The following MAPK10 variants were observed in gnomAD, a reference collection of about 807,000 sequenced individuals.
MAPK10 encodes JNK3 alpha protein kinase.
In MAPK10, 25 loss-of-function variants were observed where a neutral mutation model predicts 59.3. That is an observed-to-expected ratio of 0.42 (90% CI 0.31 to 0.59). The LOEUF is 0.59. Ranked by LOEUF, MAPK10 falls within the 20% of genes least tolerant of loss-of-function variation. The probability of loss-of-function intolerance (pLI) is 0.15; values close to 1 mark genes in which losing one functional copy is unlikely to be tolerated. For missense variants in MAPK10, 351 were observed against 568.9 expected, an observed-to-expected ratio of 0.62 and a Z score of 3.90; for synonymous variants, 190 against 200.5, an observed-to-expected ratio of 0.95 and a Z score of 0.44.
chr4:86,273,782 A>G (rs1166885046), intron 2 of MAPK10, among the ~76,000 whole-genome samples: 1 of 151,984 alleles, frequency 6.6e-6, no homozygotes, highest in East Asian at 1.9e-4. Context: ...GTGAGTTGCA[A>G]TTTATGTTCA....
intron 2 of MAPK10, among the ~76,000 whole-genome samples, chr4:86,334,212 T>C (rs1446968100): frequency 6.6e-6 from 1 of 152,168 alleles, no homozygotes; most frequent in Non-Finnish European, 1.5e-5. Flanking sequence ...AAAGCAAGAA[T>C]CATGCCTGAC....
chr4:86,315,923 T>C (rs2095776573), intron 2 of MAPK10, among the ~76,000 whole-genome samples: 1 of 152,190 alleles, frequency 6.6e-6, no homozygotes, highest in Non-Finnish European at 1.5e-5. Flanking sequence ...AAATAAAGTA[T>C]TACTTTCTTC....
chr4:86,275,754 T>C (rs2094557789), intron 2 of MAPK10, among the ~76,000 whole-genome samples: 1 of 152,084 alleles, frequency 6.6e-6, no homozygotes, highest in Non-Finnish European at 1.5e-5. Flanking sequence ...TGTAAAAATA[T>C]ATCCATTTTG....
chr4:86,324,265 G>T (rs1367545362), intron 2 of MAPK10, among the ~76,000 whole-genome samples: 1 of 152,008 alleles, frequency 6.6e-6, no homozygotes, highest in Non-Finnish European at 1.5e-5. Flanking sequence ...TACAAAATTA[G>T]CCAGGCATGG....
intron 4 of MAPK10, among the ~76,000 whole-genome samples, chr4:86,128,776 T>G (rs1356002258): frequency 6.6e-6 from 1 of 152,100 alleles, no homozygotes; most frequent in Non-Finnish European, 1.5e-5. Flanking sequence ...CAACACATAT[T>G]GGAAAAATTA....
At chr4:86,048,904 C>A (rs2043004328) in intron 11 of MAPK10, among the ~76,000 whole-genome samples, 1 of 151,908 alleles carries the variant, frequency 6.6e-6, no homozygotes, top group Non-Finnish European at 1.5e-5. Context: ...TACCACTAAT[C>A]TCTGTGAAAA....
chr4:86,435,994 AG>A (rs918731349), intron 1 of MAPK10, among the ~76,000 whole-genome samples: 17 of 152,334 alleles, frequency 1.1e-4, no homozygotes, highest in African/African-American at 3.4e-4. Flanking sequence ...GCCCAAAAAA[AG>A]GTAATCATAT....
chr4:86,320,231 T>C (rs970557902), intron 2 of MAPK10, among the ~76,000 whole-genome samples: 1 of 152,252 alleles, frequency 6.6e-6, no homozygotes, highest in African/African-American at 2.4e-5. Flanking sequence ...ACATGGTCTT[T>C]AATTTGAAAA....
intron 2 of MAPK10, among the ~76,000 whole-genome samples, chr4:86,338,661 C>G (rs1723053010): frequency 6.6e-6 from 1 of 152,136 alleles, no homozygotes; most frequent in African/African-American, 2.4e-5. Flanking sequence ...ACGGCTTGCT[C>G]TTCCCAGTCC....
rs563615331 is a variant in MAPK10 at position 86,241,697 on chromosome 4, C to T, written c.-6-47290G>A. ...TCCATCTGGTTGTTTATGTTCCCCTCTAAACTGGTTATTCTAATTAGCAAT... is the reference window on the plus strand; with the variant it reads ...TCCATCTGGTTGTTTATGTTCCCCTTTAAACTGGTTATTCTAATTAGCAAT... On this transcript the variant is annotated intron_variant, in intron 2 of 13. Coordinates refer to ENST00000641462, the MANE Select transcript of MAPK10 (RefSeq NM_138982.4). 2.0e-5 allele frequency among the ~76,000 whole-genome samples: 3 copies of T among 152,264 alleles called. No homozygotes were observed. The South Asian group carries it at 6.2e-4, about 32-fold the overall frequency.
At chr4:86,411,113 T>C (rs543415152) in intron 1 of MAPK10, among the ~76,000 whole-genome samples, 4 of 152,332 alleles carry the variant, frequency 2.6e-5, no homozygotes, top group African/African-American at 7.2e-5. Flanking sequence ...TTTGTTCTTA[T>C]TGGTTTCAAA....
intron 1 of MAPK10, among the ~76,000 whole-genome samples, chr4:86,559,280 T>C (rs1452656687): frequency 3.3e-5 from 5 of 150,726 alleles, no homozygotes; most frequent in Admixed American, 6.6e-5. Context: ...AGGCTATCTT[T>C]CCAAAAAAAA....
At chr4:86,098,380 T>C in intron 9 of MAPK10, 144 bp downstream of exon 9, 1 of 1,252,072 alleles carries the variant, frequency 8.0e-7, no homozygotes, top group Non-Finnish European at 1.1e-6. Context: ...CTGGTCAGAT[T>C]ATAGAAATTA....
At chr4:86,542,192 A>G (rs1285273859) in intron 1 of MAPK10, among the ~76,000 whole-genome samples, 1 of 152,140 alleles carries the variant, frequency 6.6e-6, no homozygotes, top group African/African-American at 2.4e-5. Flanking sequence ...AATTACATTA[A>G]AAAGGTATGT....
Position 86,553,041 on chromosome 4 carries a change from T to C in MAPK10, c.-263+40869A>G, listed in dbSNP as rs188236298. Among the ~76,000 whole-genome samples the C allele has an allele frequency of 1.1e-4, 16 of 152,298 alleles. No individual in the cohort carries two copies. In the East Asian group the frequency reaches 3.1e-3, roughly 29 times the overall value. On this transcript the variant is annotated intron_variant, in intron 1 of 4. Transcript: ENST00000502302. ...TCTTCATGTCTTCTGCCGGCATCCA[T>C]AAAACCGTGGCAGCTTACTTGAAAA...
chr4:86,562,393 T>G (rs1314953239), intron 1 of MAPK10, among the ~76,000 whole-genome samples: 1 of 152,054 alleles, frequency 6.6e-6, no homozygotes, highest in Non-Finnish European at 1.5e-5. Flanking sequence ...ACTCATCAAT[T>G]TTACATGCTG....
At chr4:86,078,472 T>C (rs531752222) in intron 9 of MAPK10, among the ~76,000 whole-genome samples, 1 of 152,186 alleles carries the variant, frequency 6.6e-6, no homozygotes, top group South Asian at 2.1e-4. Flanking sequence ...AGAACTGAAA[T>C]TGTATGCTGC....
chr4:86,182,955 T>C (rs2077236714), intron 3 of MAPK10, among the ~76,000 whole-genome samples: 2 of 151,926 alleles, frequency 1.3e-5, no homozygotes, highest in South Asian at 4.1e-4. Flanking sequence ...AAAATAAACA[T>C]TCTGTATCTA....
intron 13 of MAPK10, chr4:86,020,314 T>C (rs936092541): frequency 7.0e-6 from 1 of 143,048 alleles, no homozygotes; most frequent in African/African-American, 3.0e-5. Context: ...TCACATTTTG[T>C]TTATTTATTA....
Sources: gnomAD v4.1 joint callset for allele counts (sites outside exome capture counted in the v4.1 genomes callset) on GRCh38, gnomAD v4.1.1 for gene constraint, MANE v1.5 for transcripts, NCBI Gene and HGNC (gene_info 2026-07-23, HGNC 2026-07-21) for gene names.